Variants in GRID2 observed in about 807,000 individuals in gnomAD.
The protein encoded by GRID2 is glutamate receptor ionotropic, delta-2.
GRID2 carries 33 observed loss-of-function variants against 114.8 expected under a neutral mutation model. The observed-to-expected ratio is 0.29, with a 90% CI of 0.22 to 0.38. GRID2 has a LOEUF of 0.38. Ranked by LOEUF, GRID2 falls within the 10% of genes least tolerant of loss-of-function variation. The pLI, the probability that GRID2 is intolerant of heterozygous loss-of-function variation, is 1.00. For synonymous variants in GRID2, 505 were observed against 449.9 expected (o/e 1.12, Z -1.55); for missense variants, 1,184 against 1,257.7 (o/e 0.94, Z 0.89).
intron 14 of GRID2, among the ~76,000 whole-genome samples, chr4:93,668,667 C>T (rs987631358): frequency 1.3e-5 from 2 of 151,872 alleles, no homozygotes; most frequent in Non-Finnish European, 2.9e-5. Flanking sequence ...TTTTATTCTC[C>T]GGAAAATGTG....
chr4:93,556,220 T>A (rs1203249906), intron 13 of GRID2, among the ~76,000 whole-genome samples: 2 of 151,998 alleles, frequency 1.3e-5, no homozygotes, highest in African/African-American at 2.4e-5. Context: ...GGATCACAAC[T>A]CCTCGCCAGC....
chr4:93,746,949 AT>A (rs977074258), intron 14 of GRID2, among the ~76,000 whole-genome samples: 2 of 151,860 alleles, frequency 1.3e-5, no homozygotes, highest in Non-Finnish European at 2.9e-5. Context: ...GGATTAGAGA[AT>A]TTTTTTCACT....
chr4:93,417,999 G>T (rs909250762), intron 9 of GRID2, among the ~76,000 whole-genome samples: 6 of 149,434 alleles, frequency 4.0e-5, no homozygotes, highest in Non-Finnish European at 8.9e-5. Flanking sequence ...ACTTAGCCAT[G>T]CATATTCATA....
At chr4:93,474,236 A>G (rs1725105840) in intron 11 of GRID2, among the ~76,000 whole-genome samples, 1 of 152,182 alleles carries the variant, frequency 6.6e-6, no homozygotes, top group African/African-American at 2.4e-5. Flanking sequence ...TAAGATATGT[A>G]GAATCACAGC....
chr4:92,828,490 A>G (rs549090247), intron 2 of GRID2, among the ~76,000 whole-genome samples: 35 of 152,178 alleles, frequency 2.3e-4, no homozygotes, highest in African/African-American at 7.9e-4. Context: ...TGTGTTTCTT[A>G]TCTCTTCATT....
intron 3 of GRID2, among the ~76,000 whole-genome samples, chr4:93,087,612 T>C (rs1226361561): frequency 6.6e-6 from 1 of 152,178 alleles, no homozygotes; most frequent in Non-Finnish European, 1.5e-5. Flanking sequence ...GGAATAATTA[T>C]GTAATATATG....
At chr4:92,446,944 C>T (rs1229812603) in intron 1 of GRID2, among the ~76,000 whole-genome samples, 1 of 152,168 alleles carries the variant, frequency 6.6e-6, no homozygotes, top group Admixed American at 6.5e-5. Flanking sequence ...AACAGATCTG[C>T]TATAAAGCCT....
chr4:93,601,598 G>C (rs1419178247), intron 13 of GRID2, among the ~76,000 whole-genome samples: 1 of 152,164 alleles, frequency 6.6e-6, no homozygotes, highest in African/African-American at 2.4e-5. Context: ...GCAAGATTAA[G>C]CCAACCAAGA....
At chr4:92,579,011 A>G (rs772064002) in intron 1 of GRID2, among the ~76,000 whole-genome samples, 2 of 152,148 alleles carry the variant, frequency 1.3e-5, no homozygotes, top group Non-Finnish European at 2.9e-5. Context: ...TTTTATTTAA[A>G]CAACAATATT....
chr4:92,871,801 CA>C (rs2149446947), intron 2 of GRID2, among the ~76,000 whole-genome samples: 1 of 152,176 alleles, frequency 6.6e-6, no homozygotes, highest in East Asian at 1.9e-4. Flanking sequence ...CTGTGAAAGA[CA>C]GGGGAAAGAA....
At chr4:93,794,831 T>A (rs1276044974) in intron 1 of GRID2, among the ~76,000 whole-genome samples, 1 of 152,220 alleles carries the variant, frequency 6.6e-6, no homozygotes, top group Non-Finnish European at 1.5e-5. Context: ...TACTAGGATA[T>A]TCTTCATGAA....
intron 1 of GRID2, among the ~76,000 whole-genome samples, chr4:92,432,967 A>T (rs1161786337): frequency 1.3e-5 from 2 of 152,034 alleles, no homozygotes; most frequent in African/African-American, 4.8e-5. Context: ...CTGGTGATGA[A>T]TCCTTCCAAA....
At chr4:92,398,620 A>G (rs888047655) in intron 1 of GRID2, among the ~76,000 whole-genome samples, 7 of 152,180 alleles carry the variant, frequency 4.6e-5, no homozygotes, top group Non-Finnish European at 8.8e-5. Context: ...AAGGTGAGGT[A>G]GAGGATAAAC....
chr4:92,415,740 GTATATATATATA>G (rs70940888), intron 1 of GRID2, among the ~76,000 whole-genome samples: 2,784 of 82,250 alleles, frequency 0.034, 134 homozygotes, highest in East Asian at 0.093. Context: ...GTGTATGTGT[GTATATATATATA>G]TATATATATA....
intron 1 of GRID2, among the ~76,000 whole-genome samples, chr4:92,348,394 T>C (rs192837684): frequency 4.3e-4 from 65 of 152,300 alleles, no homozygotes; most frequent in African/African-American, 1.5e-3. Flanking sequence ...GACAGGGATG[T>C]AGAATTAGTA....
intron 14 of GRID2, among the ~76,000 whole-genome samples, chr4:93,742,959 G>T (rs552477536): frequency 7.2e-5 from 11 of 152,334 alleles, no homozygotes; most frequent in African/African-American, 2.6e-4. Flanking sequence ...CATGTTGAAA[G>T]CTGAGATAGG....
intron 2 of GRID2, among the ~76,000 whole-genome samples, chr4:92,946,101 T>A (rs891554680): frequency 2.6e-5 from 4 of 152,132 alleles, no homozygotes; most frequent in African/African-American, 9.7e-5. Flanking sequence ...ATTTAAAAAA[T>A]TATATTTTCT....
At chr4:92,603,341 A>T (rs1471459646) in intron 2 of GRID2, among the ~76,000 whole-genome samples, 1 of 152,156 alleles carries the variant, frequency 6.6e-6, no homozygotes, top group East Asian at 1.9e-4. Flanking sequence ...TACTGACAGA[A>T]AACACACACA....
chr4:93,704,399 G>T (rs529679167), intron 14 of GRID2, among the ~76,000 whole-genome samples: 1 of 151,968 alleles, frequency 6.6e-6, no homozygotes, highest in Non-Finnish European at 1.5e-5. Context: ...GATATTAGCC[G>T]TTTGTCAGAT....
Sources: allele counts gnomAD v4.1 joint callset (sites outside exome capture counted in the v4.1 genomes callset), GRCh38; gene constraint gnomAD v4.1.1; transcripts MANE v1.5; gene names NCBI Gene and HGNC (gene_info 2026-07-23, HGNC 2026-07-21).